The following NOMO3 variants were observed in gnomAD, a reference collection of about 807,000 sequenced individuals.
NOMO3 encodes the protein NODAL modulator 3.
Under a neutral mutation model 69.9 loss-of-function variants are expected in NOMO3, and 15 were observed. The ratio of observed to expected loss-of-function variants is 0.21; its 90% CI spans 0.14 to 0.33. NOMO3 has a LOEUF of 0.33. Among genes scored for constraint, NOMO3 ranks in the 10% least tolerant of loss-of-function variants. NOMO3 has a pLI of 1.00. For missense variants in NOMO3, 218 were observed against 761.0 expected, an observed-to-expected ratio of 0.29 and a Z score of 8.39; for synonymous variants, 89 against 301.9, an observed-to-expected ratio of 0.29 and a Z score of 7.31.
intron 16 of NOMO3, among the ~76,000 whole-genome samples, chr16:16,269,184 G>A (rs1429429924): frequency 1.4e-5 from 2 of 143,040 alleles, no homozygotes; most frequent in African/African-American, 2.9e-5. Flanking sequence ...GGCCACTTAG[G>A]CCTGCCTCCT....
In NOMO3 at chr16:16,263,556, C is replaced by T; in HGVS notation, c.1581C>T (p.Arg527=). Reference sequence around the variant, plus strand: ...TGGTGACTCTACAGTCCCTGAGCCGCCAGGGTGAGAAGCGGAGCCTCCAGC... The same window carrying T: ...TGGTGACTCTACAGTCCCTGAGCCGTCAGGGTGAGAAGCGGAGCCTCCAGC... ...DLLVTLQSLS[R]QGEKRSLQLS... is the part of the protein sequence containing the mutation. The change falls in exon 14 of 31, where the codon CGC becomes CGT. Residue 527 remains arginine, a synonymous_variant. Transcript: ENST00000399336. 9.3e-7 allele frequency: 1 copy of T among 1,077,416 alleles called. No homozygotes were observed. Among genetic ancestry groups the T allele is most frequent in the Non-Finnish European group, 1.3e-6 (1 of 788,620 alleles). 66.7% of individuals were successfully genotyped at this position (1,077,416 alleles called of 1,614,324 possible).
intron 11 of NOMO3, 101 bp downstream of exon 11, chr16:16,256,259 C>T: frequency 6.9e-7 from 1 of 1,439,810 alleles, no homozygotes. Context: ...AGCTTAAGAA[C>T]TTAAGAAAGA....
At chr16:16,255,205 G>T (rs1403299605) in intron 9 of NOMO3, among the ~76,000 whole-genome samples, 1 of 141,124 alleles carries the variant, frequency 7.1e-6, no homozygotes, top group Admixed American at 6.9e-5. Context: ...GAACCACTGC[G>T]CCTGGCCTAG....
chr16:16,258,868 A>C (rs1176311913), intron 11 of NOMO3, among the ~76,000 whole-genome samples: 1 of 143,146 alleles, frequency 7.0e-6, no homozygotes, highest in African/African-American at 2.9e-5. Context: ...CCGTCTCAAA[A>C]AAAAAAAAAA....
In NOMO3 at chr16:16,266,657, T is replaced by C. The variant is rs544672379; in HGVS notation, c.1807-387T>C. The C allele has an allele frequency of 1.9e-3, 781 of 405,696 alleles. 38 individuals carry two copies. The highest frequency in any genetic ancestry group is 3.1e-3 in the Non-Finnish European group (685 of 220,326). The allele number at this position is 405,696 out of a possible 1,614,324, so 25.1% of individuals were successfully genotyped here. The stretch of plus-strand genomic sequence containing the variant: ...GACCAGCGAGCTAAAGACCCCTCGG[T>C]GGGGATTGTTCTTCTCTTGCTTTCC... On this transcript the variant is annotated intron_variant, in intron 15 of 30. Transcript: ENST00000399336.
chr16:16,236,526 G>A (rs1363023009), intron 1 of NOMO3, among the ~76,000 whole-genome samples: 3 of 144,578 alleles, frequency 2.1e-5, no homozygotes, highest in African/African-American at 8.3e-5. Flanking sequence ...GGGAGTACTG[G>A]CATGAGCCAC....
In NOMO3 at chr16:16,255,771, C is replaced by G. The variant is rs1301226608; in HGVS notation, c.1015C>G (p.Pro339Ala). The G allele has an allele frequency of 6.3e-7, 1 of 1,576,694 alleles. No homozygotes were observed. Among genetic ancestry groups the G allele is most frequent in the Middle Eastern group, 1.7e-4 (1 of 5,968 alleles). Residue 339 changes from proline to alanine, a missense_variant, in exon 10 of 31, where the codon CCC (proline) becomes GCC (alanine). Physicochemically the swap from Pro to Ala is conservative, Grantham distance 27. Coordinates refer to ENST00000399336, the MANE Select transcript of NOMO3 (RefSeq NM_001004067.4). Reference sequence around the variant, plus strand: ...CGTCACCGGGAGGGTCTTGAACGGACCCGAAGGAGATGGTGTTCCAGAAGC... The same window carrying G: ...CGTCACCGGGAGGGTCTTGAACGGAGCCGAAGGAGATGGTGTTCCAGAAGC... Reference protein sequence around the residue: ...FSVTGRVLNGPEGDGVPEAVV... With the variant: ...FSVTGRVLNGAEGDGVPEAVV...
rs965832241 is a variant in NOMO3 at position 16,263,398 on chromosome 16, C to T, written c.1538-115C>T. ...AAGAAGCGCTCCGTCTGCCTCCGGC[C>T]ACTGCCTCTTAGGAGCTCAGCAGTA... On this transcript the variant is annotated intron_variant, in intron 13 of 30. Transcript: ENST00000399336. 135 of 1,535,118 alleles carry T rather than the reference C, an allele frequency of 8.8e-5. 6 individuals carry two copies. The highest frequency in any genetic ancestry group is 1.1e-4 in the Non-Finnish European group (121 of 1,143,432).
intron 5 of NOMO3, among the ~76,000 whole-genome samples, chr16:16,246,598 G>C (rs1247243189): frequency 7.3e-6 from 1 of 136,502 alleles, no homozygotes; most frequent in Admixed American, 7.1e-5. Context: ...TCCAGTTATT[G>C]CAGGCAAGAT....
Position 16,265,146 on chromosome 16 carries a change from G to A in NOMO3, c.1773G>A (p.Met591Ile). 2 of 1,585,596 alleles carry A rather than the reference G, an allele frequency of 1.3e-6. No individual in the cohort carries two copies. The highest frequency in any genetic ancestry group is 2.2e-5 in the South Asian group (2 of 89,134). ...SAVEFRQTGY[M>I]LRCSLSHAIT... ...TTGAGTTCAGGCAGACGGGCTACAT[G>A]CTGAGATGTTCCCTGTCTCACGCCA... Residue 591 changes from methionine (M) to isoleucine (I), a missense_variant, in exon 15 of 31, where the codon ATG becomes ATA. Met to Ile is a conservative substitution (Grantham distance 10). Coordinates refer to ENST00000399336, the MANE Select transcript of NOMO3 (RefSeq NM_001004067.4).
intron 9 of NOMO3, among the ~76,000 whole-genome samples, chr16:16,254,840 GGGCACA>G (rs2049496689): frequency 6.9e-6 from 1 of 144,852 alleles, no homozygotes; most frequent in African/African-American, 2.8e-5. Context: ...CAGGCGAGTG[GGGCACA>G]GACACAGACA....
intron 5 of NOMO3, among the ~76,000 whole-genome samples, chr16:16,246,481 C>T (rs1378284763): frequency 1.5e-5 from 2 of 133,242 alleles, no homozygotes; most frequent in East Asian, 2.5e-4. Flanking sequence ...GAATACCTTT[C>T]ATCTGCACTA....
At chr16:16,269,533 T>G (rs1228943494) in intron 16 of NOMO3, among the ~76,000 whole-genome samples, 1 of 140,106 alleles carries the variant, frequency 7.1e-6, no homozygotes, top group African/African-American at 3.0e-5. Flanking sequence ...GTAGGAAGTG[T>G]GGCCAAAATA....
intron 5 of NOMO3, among the ~76,000 whole-genome samples, chr16:16,246,527 T>C (rs2049417759): frequency 7.6e-6 from 1 of 130,962 alleles, no homozygotes; most frequent in Non-Finnish European, 1.6e-5. Context: ...TGGGCTATTA[T>C]GAAAATGAAA....
rs570822780 is a variant in NOMO3 at position 16,243,088 on chromosome 16, G to A, written c.302-73G>A. 1,905 of 623,078 alleles carry A rather than the reference G, an allele frequency of 3.1e-3. 58 individuals are homozygous for A. The African/African-American group carries it at 0.041, about 13-fold the overall frequency. 38.6% of individuals were successfully genotyped at this position (623,078 alleles called of 1,614,324 possible). On this transcript the variant is annotated intron_variant, in intron 3 of 30. Coordinates refer to ENST00000399336, the MANE Select transcript of NOMO3 (RefSeq NM_001004067.4). ...AATAATAAAAATACGTTCTACTTAG[G>A]TTCACTGTACCCCAAAACTAAGCTT...
Position 16,232,595 on chromosome 16 carries a change from G to T in NOMO3, c.-72G>T. The T allele has an allele frequency of 6.2e-6, 3 of 484,578 alleles. No homozygotes were observed. The highest frequency in any genetic ancestry group is 9.9e-6 in the Non-Finnish European group (3 of 302,410). The allele number at this position is 484,578 out of a possible 1,614,324, so 30.0% of individuals were successfully genotyped here. On this transcript the variant is annotated 5_prime_UTR_variant, in exon 1 of 31. Transcript: ENST00000399336. ...TGTCAGCCGGCCTAGGAGGAGGAAG[G>T]AGCCTGCGGCGTGCAGTGTGAGGGG...
intron 11 of NOMO3, among the ~76,000 whole-genome samples, chr16:16,257,648 G>A (rs369390231): frequency 7.0e-6 from 1 of 142,442 alleles, no homozygotes; most frequent in South Asian, 2.2e-4. Flanking sequence ...CCCAGGGGGG[G>A]ACCTAGGGAG....
Position 16,263,177 on chromosome 16 carries a change from A to C in NOMO3, c.1499A>C (p.Gln500Pro). The C allele has an allele frequency of 3.8e-6, 6 of 1,592,582 alleles. 1 individual carries two copies. Among genetic ancestry groups the C allele is most frequent in the Non-Finnish European group, 5.1e-6 (6 of 1,176,504 alleles). The change falls in exon 13 of 31, where the codon CAG (glutamine) becomes CCG (proline). Residue 500 changes from glutamine to proline, a missense_variant. Coordinates refer to ENST00000399336, the MANE Select transcript of NOMO3 (RefSeq NM_001004067.4). ...DRPVMDVAFV[Q>P]FLASVSGKVS... ...CCTGTGATGGATGTGGCCTTTGTAC[A>C]GTTCTTGGCATCAGTTTCTGGGAAA...
chr16:16,261,540 C>T lies in NOMO3; in HGVS notation c.1259C>T (p.Pro420Leu). 2 of 1,588,342 alleles carry T rather than the reference C, an allele frequency of 1.3e-6. No individual in the cohort carries two copies. Among genetic ancestry groups the T allele is most frequent in the Non-Finnish European group, 1.7e-6 (2 of 1,177,026 alleles). The part of the protein sequence containing the change: ...VCGQISIIRF[P>L]DTVKQMNKYK... ...GGTCAGATATCAATCATTCGCTTCC[C>T]CGACACCGTCAAGCAGATGAATAAA... Residue 420 changes from proline to leucine, a missense_variant, in exon 12 of 31, where the codon CCC (proline) becomes CTC (leucine). Transcript: ENST00000399336.
Sources: gnomAD v4.1 joint callset for allele counts (sites outside exome capture counted in the v4.1 genomes callset) on GRCh38, gnomAD v4.1.1 for gene constraint, MANE v1.5 for transcripts, NCBI Gene and HGNC (gene_info 2026-07-23, HGNC 2026-07-21) for gene names.